Variants in ERLIN1 observed in about 807,000 individuals in gnomAD.
ERLIN1 encodes erlin-1.
In ERLIN1, 24 loss-of-function variants were observed where a neutral mutation model predicts 46.9. The ratio of observed to expected loss-of-function variants is 0.51; its 90% confidence interval spans 0.37 to 0.72. The LOEUF (loss-of-function observed/expected upper bound fraction) is 0.72, where lower values mean the gene tolerates loss of function less well. Ranked by LOEUF, ERLIN1 falls within the 30% of genes least tolerant of loss-of-function variation. ERLIN1 has a pLI of 0.00. For missense variants in ERLIN1, 293 were observed against 417.9 expected (o/e 0.70, Z 2.61); for synonymous variants, 158 against 143.2 (o/e 1.10, Z -0.74).
chr10:100,151,705 G>C lies in ERLIN1; in HGVS notation c.*426C>G, dbSNP rs1174058479. 1.5e-5 allele frequency: 4 copies of C among 259,502 alleles called. No homozygotes were observed. Among genetic ancestry groups the C allele is most frequent in the East Asian group, 1.9e-4 (2 of 10,546 alleles). The allele number at this position is 259,502 out of a possible 1,614,324, so 16.1% of individuals were successfully genotyped here. The stretch of plus-strand genomic sequence containing the variant: ...AGGGCCTGGGTCCCAGGTGCAATCA[G>C]TCTTCTTGAACTTACCATCTCCTTC... On this transcript the variant is annotated 3_prime_UTR_variant, in exon 11 of 11. Transcript: ENST00000421367.
intron 6 of ERLIN1, among the ~76,000 whole-genome samples, chr10:100,169,744 T>C (rs1012137112): frequency 2.0e-5 from 3 of 152,172 alleles, no homozygotes; most frequent in African/African-American, 7.2e-5. Context: ...AAGGCTGATA[T>C]GATAAAGTAA....
At chr10:100,153,799 T>C (rs1739656983) in intron 10 of ERLIN1, among the ~76,000 whole-genome samples, 3 of 152,196 alleles carry the variant, frequency 2.0e-5, no homozygotes, top group Admixed American at 1.3e-4. Context: ...GCTTCTCCCA[T>C]TAGATTTGGA....
At chr10:100,170,508 T>C (rs1843928264) in intron 6 of ERLIN1, among the ~76,000 whole-genome samples, 1 of 152,222 alleles carries the variant, frequency 6.6e-6, no homozygotes, top group Non-Finnish European at 1.5e-5. Context: ...CTGGCTGTTG[T>C]GCAGAAAATG....
chr10:100,164,188 T>C, intron 7 of ERLIN1, 93 bp from the exon 8 acceptor site: 1 of 757,350 alleles, frequency 1.3e-6, no homozygotes, highest in Non-Finnish European at 2.2e-6. Context: ...AGAGAACCGT[T>C]TTGTCAACAT....
chr10:100,185,556 G>C lies in ERLIN1; in HGVS notation c.71C>G (p.Ser24Cys). Residue 24 changes from serine to cysteine, a missense_variant, in exon 1 of 11, where the codon TCC becomes TGC. Ser to Cys is a moderately radical substitution (Grantham distance 112, BLOSUM62 -1). This residue lies in a region of ERLIN1 where 76 missense variants were observed against 77.0 expected (regional missense o/e 0.99). Coordinates refer to ENST00000421367, the MANE Select transcript of ERLIN1 (RefSeq NM_006459.4). ...VGLVAVLLYA[S>C]IHKIEEGHLA... ...ATGGCCCTCCTCAATCTTGTGGATG[G>C]AGGCGTAGAGCAGGACAGCCACCAA... 1 of 1,614,016 alleles carries C rather than the reference G, an allele frequency of 6.2e-7. No homozygotes were observed. The highest frequency in any genetic ancestry group is 8.5e-7 in the Non-Finnish European group (1 of 1,179,876).
chr10:100,178,054 C>G (rs1589551740), intron 4 of ERLIN1, 79 bp downstream of exon 4: 2 of 929,520 alleles, frequency 2.2e-6, no homozygotes, highest in East Asian at 5.3e-5. Context: ...TCAAAGTACC[C>G]TTCTATTCCT....
chr10:100,165,192 A>G (rs923320740), intron 7 of ERLIN1, among the ~76,000 whole-genome samples: 1 of 152,174 alleles, frequency 6.6e-6, no homozygotes, highest in Non-Finnish European at 1.5e-5. Flanking sequence ...TGGAATTCCA[A>G]TAGTCCATAA....
At chr10:100,183,323 A>T (rs1397080905) in intron 2 of ERLIN1, among the ~76,000 whole-genome samples, 1 of 152,242 alleles carries the variant, frequency 6.6e-6, no homozygotes, top group Non-Finnish European at 1.5e-5. Flanking sequence ...CCAGGCAAAA[A>T]AACATGAGGC....
chr10:100,164,266 G>C (rs1166073346), intron 7 of ERLIN1, among the ~76,000 whole-genome samples, 171 bp from the exon 8 acceptor site: 3 of 152,162 alleles, frequency 2.0e-5, no homozygotes, highest in Non-Finnish European at 4.4e-5. Context: ...TAAATCTGAG[G>C]TTGAAAGATT....
At chr10:100,165,660 T>C (rs929427206) in intron 7 of ERLIN1, among the ~76,000 whole-genome samples, 4 of 152,186 alleles carry the variant, frequency 2.6e-5, no homozygotes, top group Non-Finnish European at 4.4e-5. Context: ...GTGCTGGGAT[T>C]ACAGGCATGA....
chr10:100,167,932 C>T (rs1843737758), intron 6 of ERLIN1, among the ~76,000 whole-genome samples: 1 of 152,182 alleles, frequency 6.6e-6, no homozygotes, highest in South Asian at 2.1e-4. Flanking sequence ...GTAAACAGCC[C>T]ACTGGCTGAA....
chr10:100,170,552 G>A (rs1176332985), intron 6 of ERLIN1, among the ~76,000 whole-genome samples: 1 of 152,220 alleles, frequency 6.6e-6, no homozygotes, highest in Non-Finnish European at 1.5e-5. Context: ...AGTGGGGAAA[G>A]AAGACAGGCG....
chr10:100,179,888 CATAG>C (rs913131027), intron 2 of ERLIN1, among the ~76,000 whole-genome samples: 2 of 152,192 alleles, frequency 1.3e-5, no homozygotes, highest in African/African-American at 4.8e-5. Flanking sequence ...AGCTTGCTCA[CATAG>C]ATACTCTGGC....
intron 10 of ERLIN1, among the ~76,000 whole-genome samples, chr10:100,153,598 C>G (rs1842918299): frequency 6.6e-6 from 1 of 152,208 alleles, no homozygotes. Context: ...TCTATCTTCT[C>G]CAGGTGATTC....
chr10:100,180,604 T>C (rs193105482), intron 2 of ERLIN1, among the ~76,000 whole-genome samples: 175 of 152,282 alleles, frequency 1.1e-3, no homozygotes, highest in African/African-American at 4.0e-3. Context: ...ACAACATGTG[T>C]ATAGGCGAAC....
intron 8 of ERLIN1, among the ~76,000 whole-genome samples, chr10:100,163,692 A>G (rs1472348487): frequency 6.6e-6 from 1 of 152,224 alleles, no homozygotes; most frequent in Non-Finnish European, 1.5e-5. Flanking sequence ...AAACTTCCCT[A>G]TTCTTAATCT....
chr10:100,151,625 T>G lies in ERLIN1; in HGVS notation c.*506A>C, dbSNP rs1842805011. The G allele has an allele frequency of 5.4e-6, 1 of 184,892 alleles. No homozygotes were observed. The highest frequency in any genetic ancestry group is 5.3e-5 in the Admixed American group (1 of 18,694). 11.5% of individuals were successfully genotyped at this position (184,892 alleles called of 1,614,324 possible). The stretch of plus-strand genomic sequence containing the variant: ...GTGGAAGATCATTTCCTGGGGAACT[T>G]CAGCGGCCTGGATCTTAATCACATG... On this transcript the variant is annotated 3_prime_UTR_variant, in exon 11 of 11. Coordinates refer to ENST00000421367, the MANE Select transcript of ERLIN1 (RefSeq NM_006459.4).
intron 7 of ERLIN1, among the ~76,000 whole-genome samples, chr10:100,166,183 G>A (rs536672909): frequency 6.6e-6 from 1 of 152,206 alleles, no homozygotes; most frequent in South Asian, 2.1e-4. Flanking sequence ...ACTTTGGGAG[G>A]CCAAGGCAGG....
intron 5 of ERLIN1, among the ~76,000 whole-genome samples, chr10:100,175,513 C>T (rs1699135111): frequency 6.6e-6 from 1 of 152,194 alleles, no homozygotes; most frequent in Non-Finnish European, 1.5e-5. Flanking sequence ...CACCTGCTTT[C>T]CTCTGCATTT....
Sources: gnomAD v4.1 joint callset for allele counts (sites outside exome capture counted in the v4.1 genomes callset) on GRCh38, gnomAD v4.1.1 for gene constraint, gnomAD v4.1.1 regional missense constraint, MANE v1.5 for transcripts, NCBI Gene and HGNC (gene_info 2026-07-23, HGNC 2026-07-21) for gene names.